Variants in CSMD3 observed in about 807,000 individuals in gnomAD.
The protein encoded by CSMD3 is CUB and sushi domain-containing protein 3.
Under a neutral mutation model 435.2 loss-of-function variants are expected in CSMD3, and 177 were observed. The ratio of observed to expected loss-of-function variants is 0.41; its 90% CI spans 0.36 to 0.46. The LOEUF (loss-of-function observed/expected upper bound fraction) is 0.46, where lower values mean the gene tolerates loss of function less well. Ranked by LOEUF, CSMD3 falls within the 20% of genes least tolerant of loss-of-function variation. CSMD3 has a pLI of 0.34. For missense variants in CSMD3, 4,265 were observed against 4,504.6 expected (o/e 0.95, Z 1.52); for synonymous variants, 1,656 against 1,520.5 (o/e 1.09, Z -2.07).
Position 112,656,187 on chromosome 8 carries a change from G to A in CSMD3, c.2971C>T (p.Arg991Cys), listed in dbSNP as rs1215699658. The A allele has an allele frequency of 1.3e-6, 2 of 1,578,486 alleles. No homozygotes were observed. Among genetic ancestry groups the A allele is most frequent in the African/African-American group, 1.3e-5 (1 of 74,082 alleles). ...IYLLFTTDNS[R>C]SNNGFKIHYE... Reference sequence around the variant, plus strand: ...TGAATCTTGAAACCATTATTGGAACGACTGTTGTCTGTTGTAAATAGAAGG... The same window carrying A: ...TGAATCTTGAAACCATTATTGGAACAACTGTTGTCTGTTGTAAATAGAAGG... Residue 991 changes from arginine (R) to cysteine (C), a missense_variant, in exon 18 of 71, where the codon CGT becomes TGT. Transcript: ENST00000297405.
At chr8:113,065,598 C>T (rs2088818905) in intron 5 of CSMD3, among the ~76,000 whole-genome samples, 1 of 152,046 alleles carries the variant, frequency 6.6e-6, no homozygotes, top group African/African-American at 2.4e-5. Flanking sequence ...CCATGTTAGC[C>T]AAGATGGTCT....
At chr8:112,753,424 C>G (rs1293116047) in intron 13 of CSMD3, among the ~76,000 whole-genome samples, 1 of 151,986 alleles carries the variant, frequency 6.6e-6, no homozygotes, top group African/African-American at 2.4e-5. Context: ...ATATATTTCC[C>G]TTCCTATTTC....
At chr8:112,830,398 G>C (rs1187594738) in intron 11 of CSMD3, among the ~76,000 whole-genome samples, 1 of 152,048 alleles carries the variant, frequency 6.6e-6, no homozygotes, top group Non-Finnish European at 1.5e-5. Context: ...ACTATACCAT[G>C]CTATGTAATT....
At chr8:113,071,338 T>G (rs142825494) in intron 5 of CSMD3, among the ~76,000 whole-genome samples, 1 of 151,904 alleles carries the variant, frequency 6.6e-6, no homozygotes, top group Non-Finnish European at 1.5e-5. Context: ...TTTGGTATAG[T>G]CCCAATTGTT....
At chr8:113,342,311 T>A (rs2094125027) in intron 1 of CSMD3, among the ~76,000 whole-genome samples, 1 of 152,140 alleles carries the variant, frequency 6.6e-6, no homozygotes, top group Non-Finnish European at 1.5e-5. Context: ...CAATACACGA[T>A]TCTCTAATGC....
intron 32 of CSMD3, among the ~76,000 whole-genome samples, chr8:112,454,890 T>C (rs998454709): frequency 2.0e-5 from 3 of 151,988 alleles, no homozygotes; most frequent in Non-Finnish European, 4.4e-5. Context: ...TACAAAATAT[T>C]TAAAATGACC....
chr8:113,328,437 CAAAAA>C (rs1192557099), intron 1 of CSMD3, among the ~76,000 whole-genome samples: 1 of 63,024 alleles, frequency 1.6e-5, no homozygotes, highest in Non-Finnish European at 3.4e-5. Flanking sequence ...GACTCCGTCT[CAAAAA>C]AAAAAAAAAA....
At chr8:112,494,115 T>C (rs1009898153) in intron 30 of CSMD3, among the ~76,000 whole-genome samples, 2 of 152,148 alleles carry the variant, frequency 1.3e-5, no homozygotes, top group African/African-American at 2.4e-5. Context: ...TAATGTACTT[T>C]AGCATTTTTA....
At chr8:112,531,429 G>T (rs2131074498) in intron 27 of CSMD3, among the ~76,000 whole-genome samples, 1 of 152,264 alleles carries the variant, frequency 6.6e-6, no homozygotes, top group African/African-American at 2.4e-5. Flanking sequence ...CTGGAAGGTT[G>T]CAGGCTTTGG....
intron 40 of CSMD3, among the ~76,000 whole-genome samples, chr8:112,350,165 T>A (rs1428594289): frequency 6.6e-6 from 1 of 151,982 alleles, no homozygotes; most frequent in East Asian, 1.9e-4. Context: ...GAAAATAAAT[T>A]TCTGTTGTTT....
At chr8:112,863,473 G>A (rs1564036624) in intron 10 of CSMD3, among the ~76,000 whole-genome samples, 1 of 151,852 alleles carries the variant, frequency 6.6e-6, no homozygotes, top group Admixed American at 6.6e-5. Flanking sequence ...ACCCATATAT[G>A]TATCTGAGCC....
intron 23 of CSMD3, among the ~76,000 whole-genome samples, chr8:112,585,857 T>A (rs1188871536): frequency 6.6e-6 from 1 of 151,666 alleles, no homozygotes; most frequent in Non-Finnish European, 1.5e-5. Context: ...CAGTTCTATA[T>A]ACAAGCATCC....
intron 2 of CSMD3, among the ~76,000 whole-genome samples, chr8:113,309,053 ATCC>A (rs1310818585): frequency 1.3e-5 from 2 of 151,966 alleles, no homozygotes; most frequent in Non-Finnish European, 2.9e-5. Context: ...GGTTCAAGCA[ATCC>A]TCCCACCTCA....
chr8:113,082,161 G>A (rs539717648), intron 5 of CSMD3, among the ~76,000 whole-genome samples: 2 of 137,652 alleles, frequency 1.5e-5, no homozygotes, highest in African/African-American at 2.9e-5. Context: ...TGTTGCTACT[G>A]CATGCCAAAC....
intron 11 of CSMD3, among the ~76,000 whole-genome samples, chr8:112,845,348 G>A (rs911831046): frequency 1.3e-5 from 2 of 152,016 alleles, no homozygotes; most frequent in African/African-American, 4.8e-5. Context: ...TGCAGAGTAA[G>A]CTTTCCCAAT....
intron 38 of CSMD3, among the ~76,000 whole-genome samples, chr8:112,364,242 C>A (rs72674746): frequency 0.2 from 30,978 of 151,872 alleles, 3,698 homozygotes; most frequent in East Asian, 0.39. Context: ...ACAACTACTA[C>A]AAGGGATAGA....
intron 31 of CSMD3, among the ~76,000 whole-genome samples, chr8:112,473,315 TG>T (rs58836129): frequency 0.017 from 2,649 of 152,220 alleles, 79 homozygotes; most frequent in African/African-American, 0.06. Flanking sequence ...AAACTGTATA[TG>T]GGGGTCCTGT....
intron 26 of CSMD3, 145 bp downstream of exon 26, chr8:112,552,449 C>A (rs747668101): frequency 1.9e-5 from 14 of 738,742 alleles, no homozygotes; most frequent in Middle Eastern, 4.0e-4. Flanking sequence ...TCGAGCCCTG[C>A]CTTCCGGTCT....
chr8:112,755,335 A>AATAATG (rs1258083858), intron 13 of CSMD3, among the ~76,000 whole-genome samples: 60 of 108,946 alleles, frequency 5.5e-4, no homozygotes, highest in African/African-American at 2.7e-3. Flanking sequence ...CGTCTCAAAT[A>AATAATG]ATAATAATAA....
Sources: allele counts gnomAD v4.1 joint callset (sites outside exome capture counted in the v4.1 genomes callset), GRCh38; gene constraint gnomAD v4.1.1; transcripts MANE v1.5; gene names NCBI Gene and HGNC (gene_info 2026-07-23, HGNC 2026-07-21).